Variants in SCHIP1 observed in about 807,000 individuals in gnomAD.
The protein encoded by SCHIP1 is schwannomin interacting protein 1.
SCHIP1 carries 8 observed loss-of-function variants against 29.7 expected under a neutral mutation model. That is an observed-to-expected ratio of 0.27 (90% CI 0.16 to 0.49). The LOEUF (loss-of-function observed/expected upper bound fraction) is 0.49, where lower values mean the gene tolerates loss of function less well. SCHIP1 is among the 20% of genes least tolerant of loss of function. SCHIP1 has a pLI of 0.99. For missense variants in SCHIP1, 193 were observed against 294.6 expected (o/e 0.66, Z 2.52); for synonymous variants, 76 against 94.9 (o/e 0.80, Z 1.16).
the SCHIP1 span, among the ~76,000 whole-genome samples, chr3:159,357,668 C>CT: frequency 9.9e-4 from 151 of 152,204 alleles, 2 homozygotes; most frequent in East Asian, 0.027. Context: ...TTCATTGGAG[C>CT]TTTTTTCTTC....
intron 2 of SCHIP1, among the ~76,000 whole-genome samples, chr3:159,882,319 T>C (rs1051867324): frequency 6.6e-6 from 1 of 152,154 alleles, no homozygotes; most frequent in Non-Finnish European, 1.5e-5. Context: ...TCAAGTAAAG[T>C]GAACCAAAGT....
the SCHIP1 span, among the ~76,000 whole-genome samples, chr3:159,597,557 C>T: frequency 2.6e-5 from 4 of 152,116 alleles, no homozygotes; most frequent in African/African-American, 9.7e-5. Flanking sequence ...GCTTATTTCA[C>T]TTAAGATAAT....
the SCHIP1 span, among the ~76,000 whole-genome samples, chr3:159,734,787 C>CTTTTTTTTTTTTTT: frequency 7.2e-4 from 80 of 110,486 alleles, no homozygotes; most frequent in Non-Finnish European, 8.4e-4. Flanking sequence ...CTTTTCTTGT[C>CTTTTTTTTTTTTTT]TTTTTTTTTT....
chr3:159,527,472 T>C, the SCHIP1 span, among the ~76,000 whole-genome samples: 1 of 152,170 alleles, frequency 6.6e-6, no homozygotes, highest in Non-Finnish European at 1.5e-5. Flanking sequence ...AAGAAACAAT[T>C]GACTAAACAA....
At chr3:159,806,100 C>T in the SCHIP1 span, among the ~76,000 whole-genome samples, 6 of 152,174 alleles carry the variant, frequency 3.9e-5, no homozygotes, top group Non-Finnish European at 5.9e-5. Flanking sequence ...TGAGCCACCG[C>T]GCCTGGCCAA....
chr3:159,274,887 A>G, the SCHIP1 span: 1 of 659,414 alleles, frequency 1.5e-6, no homozygotes, highest in East Asian at 1.4e-4. Flanking sequence ...TTCCTTTAGT[A>G]GTTTTCTTCA....
At chr3:159,804,732 T>C in the SCHIP1 span, among the ~76,000 whole-genome samples, 6 of 152,346 alleles carry the variant, frequency 3.9e-5, no homozygotes, top group African/African-American at 1.4e-4. Flanking sequence ...GTGATGAGAT[T>C]GGTTGGCTCC....
chr3:159,811,977 T>TTTTG, the SCHIP1 span, among the ~76,000 whole-genome samples: 4 of 89,046 alleles, frequency 4.5e-5, no homozygotes, highest in Non-Finnish European at 9.4e-5. Flanking sequence ...TGTTTTTGTT[T>TTTTG]TTGTTTTTTT....
the SCHIP1 span, among the ~76,000 whole-genome samples, chr3:159,541,675 A>C: frequency 6.6e-6 from 1 of 152,098 alleles, no homozygotes; most frequent in African/African-American, 2.4e-5. Context: ...TAATTGAACA[A>C]AATTAATTGA....
the SCHIP1 span, among the ~76,000 whole-genome samples, chr3:159,797,958 A>AG: frequency 6.6e-6 from 1 of 152,294 alleles, no homozygotes; most frequent in Non-Finnish European, 1.5e-5. Context: ...GTTAAAGCAG[A>AG]GGGGGCTTCC....
At chr3:159,587,517 C>T in the SCHIP1 span, among the ~76,000 whole-genome samples, 50 of 152,250 alleles carry the variant, frequency 3.3e-4, no homozygotes, top group African/African-American at 1.2e-3. Flanking sequence ...ACGTGCACAA[C>T]GTGCAGGTTT....
chr3:159,427,522 A>G, the SCHIP1 span, among the ~76,000 whole-genome samples: 2 of 152,194 alleles, frequency 1.3e-5, no homozygotes, highest in Non-Finnish European at 2.9e-5. Context: ...GAGAACTACA[A>G]ACCACTGCTC....
the SCHIP1 span, among the ~76,000 whole-genome samples, chr3:159,681,737 G>A: frequency 6.6e-6 from 1 of 152,144 alleles, no homozygotes; most frequent in Non-Finnish European, 1.5e-5. Flanking sequence ...TTATCAGTTG[G>A]ACTTTAACCA....
the SCHIP1 span, among the ~76,000 whole-genome samples, chr3:159,397,427 C>A: frequency 1.3e-5 from 2 of 152,062 alleles, no homozygotes; most frequent in African/African-American, 4.8e-5. Context: ...TCTTTCTGTT[C>A]TTTTTTTTCC....
chr3:159,721,899 G>T, the SCHIP1 span: 1 of 435,318 alleles, frequency 2.3e-6, no homozygotes. Flanking sequence ...CATCTCCTCT[G>T]TCTTCTTTGC....
At chr3:159,663,238 C>CA in the SCHIP1 span, among the ~76,000 whole-genome samples, 1 of 152,130 alleles carries the variant, frequency 6.6e-6, no homozygotes, top group South Asian at 2.1e-4. Context: ...TGAGGCCATT[C>CA]ACTTAATTTA....
chr3:159,312,773 C>T, the SCHIP1 span, among the ~76,000 whole-genome samples: 1 of 152,156 alleles, frequency 6.6e-6, no homozygotes, highest in Non-Finnish European at 1.5e-5. Context: ...CTTCTTACCA[C>T]CTGCTGACCT....
At chr3:159,764,678 A>T in the SCHIP1 span, 1 of 1,583,840 alleles carries the variant, frequency 6.3e-7, no homozygotes, top group Non-Finnish European at 8.6e-7. This position sits in a 1 kb window ranked among gnomAD's most constrained non-coding sequence, Gnocchi z 6.1. Context: ...GACGGGGAGG[A>T]GGAGGAAGAG....
the SCHIP1 span, among the ~76,000 whole-genome samples, chr3:159,340,312 A>T: frequency 1.3e-5 from 2 of 152,104 alleles, no homozygotes; most frequent in African/African-American, 2.4e-5. Flanking sequence ...CAGAAAAATG[A>T]TGTGATTTTT....
Sources: allele counts gnomAD v4.1 joint callset (sites outside exome capture counted in the v4.1 genomes callset), GRCh38; gene constraint gnomAD v4.1.1; non-coding constraint Gnocchi (gnomAD v3.1); transcripts MANE v1.5; gene names NCBI Gene and HGNC (gene_info 2026-07-23, HGNC 2026-07-21).